ZSCAN5A: variants seen among roughly 807,000 people sequenced by gnomAD.
ZSCAN5A encodes zinc finger and SCAN domain-containing protein 5A.
ZSCAN5A carries 12 observed loss-of-function variants against 23.7 expected under a neutral mutation model. The ratio of observed to expected loss-of-function variants is 0.51; its 90% confidence interval spans 0.32 to 0.82. The LOEUF is 0.82. Among genes scored for constraint, ZSCAN5A ranks in the 40% least tolerant of loss-of-function variants. The pLI is 0.03. For synonymous variants in ZSCAN5A, 257 were observed against 239.9 expected, an observed-to-expected ratio of 1.07 and a Z score of -0.66; for missense variants, 597 against 617.9, an observed-to-expected ratio of 0.97 and a Z score of 0.36.
intron 2 of ZSCAN5A, chr19:56,321,882 G>A (rs993094236): frequency 5.0e-6 from 4 of 796,244 alleles, no homozygotes; most frequent in Admixed American, 3.4e-5. Flanking sequence ...AGGTTGGCAC[G>A]CTCATCAAGG....
chr19:56,365,215 C>A (rs1452635476), intron 1 of ZSCAN5A, among the ~76,000 whole-genome samples: 1 of 152,116 alleles, frequency 6.6e-6, no homozygotes, highest in Non-Finnish European at 1.5e-5. Context: ...GAGAAATGTA[C>A]ATAATGGGTT....
chr19:56,316,604 A>AC (rs2147416066), upstream of ZSCAN5A: 1 of 156,002 alleles, frequency 6.4e-6, no homozygotes, highest in South Asian at 1.9e-4. Context: ...TGTGGACAAT[A>AC]CATTGGTAGA....
At chr19:56,280,733 C>T (rs956911525) in intron 2 of ZSCAN5A, 1 of 152,124 alleles carries the variant, frequency 6.6e-6, no homozygotes, top group Non-Finnish European at 1.5e-5. Context: ...GAGACAGAAA[C>T]AGAGACAGAG....
chr19:56,287,561 C>T (rs770033621), intron 2 of ZSCAN5A, among the ~76,000 whole-genome samples: 7 of 152,148 alleles, frequency 4.6e-5, no homozygotes, highest in South Asian at 2.1e-4. Context: ...GGAATGCAGC[C>T]GGACTTTATA....
At chr19:56,251,072 C>T in intron 2 of ZSCAN5A, among the ~76,000 whole-genome samples, 1 of 151,680 alleles carries the variant, frequency 6.6e-6, no homozygotes, top group Admixed American at 6.6e-5. Flanking sequence ...ATCGCTTGAA[C>T]CCGGGTGGCA....
chr19:56,254,816 T>C (rs2036586581), intron 2 of ZSCAN5A, among the ~76,000 whole-genome samples: 1 of 152,198 alleles, frequency 6.6e-6, no homozygotes, highest in Admixed American at 6.5e-5. Flanking sequence ...CCTTTTCTTG[T>C]GTCTGTTGGC....
intron 2 of ZSCAN5A, chr19:56,243,990 C>G: frequency 1.5e-6 from 1 of 673,888 alleles, no homozygotes; most frequent in East Asian, 2.6e-5. Context: ...CAATTAGACA[C>G]CAGCTACTGG....
At chr19:56,223,345 G>C (rs539448879) in intron 4 of ZSCAN5A, among the ~76,000 whole-genome samples, 18 of 152,282 alleles carry the variant, frequency 1.2e-4, no homozygotes, top group African/African-American at 4.3e-4. Context: ...AACTGGCTAC[G>C]GGGAAGGAAT....
rs2033172403 is a variant in ZSCAN5A, at chr19:56,221,630, C to T, written c.1436G>A (p.Arg479Gln). The T allele has an allele frequency of 1.9e-6, 3 of 1,611,480 alleles. No individual in the cohort carries two copies. Among genetic ancestry groups the T allele is most frequent in the South Asian group, 1.1e-5 (1 of 90,804 alleles). The change falls in exon 6 of 6, where the codon CGG becomes CAG. Residue 479 changes from arginine to glutamine, a missense_variant. Arg to Gln is a conservative substitution (Grantham distance 43, BLOSUM62 1). Around this residue, in one of 5 missense-constraint regions of ZSCAN5A, gnomAD observed 87 missense variants for 74.4 expected, o/e 1.17. Transcript: ENST00000683990. ...CTGGTGGCGTCTTAACAATTTCAGC[C>T]GACTGAAGGCTCTTGGACACTTGGA... ...KCSKCPRAFS[R>Q]LKLLRRHQKT...
chr19:56,338,571 C>T (rs2041563074), intron 2 of ZSCAN5A: 1 of 152,214 alleles, frequency 6.6e-6, no homozygotes, highest in Non-Finnish European at 1.5e-5. Flanking sequence ...CAGCAAAGGT[C>T]CCCAGAACCA....
chr19:56,358,168 T>C (rs1365638811), intron 2 of ZSCAN5A, among the ~76,000 whole-genome samples: 3 of 149,068 alleles, frequency 2.0e-5, no homozygotes, highest in Non-Finnish European at 3.0e-5. Flanking sequence ...TCTCACAGGC[T>C]GTACTGCAGT....
chr19:56,320,675 G>A, intron 2 of ZSCAN5A: 1 of 780,430 alleles, frequency 1.3e-6, no homozygotes, highest in Non-Finnish European at 2.4e-6. Context: ...ATCCACGGTG[G>A]TGCAGGAATA....
chr19:56,267,235 C>T (rs529561042), intron 2 of ZSCAN5A, among the ~76,000 whole-genome samples: 1 of 152,104 alleles, frequency 6.6e-6, no homozygotes, highest in South Asian at 2.1e-4. Flanking sequence ...ATGTGTTTGT[C>T]AATATTGTTG....
intron 2 of ZSCAN5A, among the ~76,000 whole-genome samples, chr19:56,275,074 G>A (rs11670870): frequency 0.42 from 63,242 of 152,082 alleles, 14,420 homozygotes; most frequent in Non-Finnish European, 0.51. Context: ...ACCACATGAT[G>A]TTGATGTGTC....
Position 56,252,164 on chromosome 19 carries a change from G to A in ZSCAN5A, c.-127-26991C>T, listed in dbSNP as rs142725471. ...ACCTAATTTAAAGCTCAACATGCCT[G>A]TCAAGTGATAATGGATTGGAGGGTG... is the stretch of plus-strand genomic sequence containing the variant. On this transcript the variant is annotated intron_variant, in intron 2 of 5. Coordinates refer to ENST00000683990, the MANE Select transcript of ZSCAN5A (RefSeq NM_001322064.3). 9.8e-4 allele frequency among the ~76,000 whole-genome samples: 149 copies of A among 152,298 alleles called. 1 individual carries two copies. The highest frequency in any genetic ancestry group is 1.3e-3 in the African/African-American group (55 of 41,576).
At chr19:56,272,808 A>G in intron 2 of ZSCAN5A, 1 of 944,696 alleles carries the variant, frequency 1.1e-6, no homozygotes, top group Non-Finnish European at 1.3e-6. Flanking sequence ...TAGGAGGAGA[A>G]CATTCAGCCC....
chr19:56,349,737 A>C (rs897015975), intron 2 of ZSCAN5A, among the ~76,000 whole-genome samples: 3 of 150,554 alleles, frequency 2.0e-5, no homozygotes, highest in African/African-American at 4.9e-5. Context: ...AAAAAGTAGA[A>C]GATCTTAAGC....
intron 2 of ZSCAN5A, chr19:56,301,896 C>G: frequency 1.6e-6 from 2 of 1,231,156 alleles, no homozygotes; most frequent in Non-Finnish European, 1.0e-6. Flanking sequence ...AATGGAGAGA[C>G]AGCAGTGACA....
At chr19:56,323,671 G>T (rs1449327388) in intron 2 of ZSCAN5A, among the ~76,000 whole-genome samples, 1 of 151,858 alleles carries the variant, frequency 6.6e-6, no homozygotes, top group Non-Finnish European at 1.5e-5. Flanking sequence ...CAAGTAGCTG[G>T]GAGTACAGGC....
Sources: gnomAD v4.1 joint callset for allele counts (sites outside exome capture counted in the v4.1 genomes callset) on GRCh38, gnomAD v4.1.1 for gene constraint, gnomAD v4.1.1 regional missense constraint, MANE v1.5 for transcripts, NCBI Gene and HGNC (gene_info 2026-07-23, HGNC 2026-07-21) for gene names.